Variants in PALS1 observed in about 807,000 individuals in gnomAD.
The protein encoded by PALS1 is protein associated with LIN7 1, MAGUK p55 family member.
In PALS1, 31 loss-of-function variants were observed where a neutral mutation model predicts 78.9. The observed-to-expected ratio is 0.39, with a 90% confidence interval of 0.30 to 0.53. The LOEUF (loss-of-function observed/expected upper bound fraction) is 0.53, where lower values mean the gene tolerates loss of function less well. Among genes scored for constraint, PALS1 ranks in the 20% least tolerant of loss-of-function variants. The pLI is 0.67. For synonymous variants in PALS1, 276 were observed against 270.9 expected, an observed-to-expected ratio of 1.02 and a Z score of -0.18; for missense variants, 704 against 826.5, an observed-to-expected ratio of 0.85 and a Z score of 1.82.
rs537939324 is a variant in PALS1 at position 67,315,912 on chromosome 14, G to A, written c.1226-920G>A. Reference sequence around the variant, plus strand: ...TGCACTCCAGCCTGGGTGACAGAGCGAGACTTCGTCTCAAAAGATAACCAG... The same window carrying A: ...TGCACTCCAGCCTGGGTGACAGAGCAAGACTTCGTCTCAAAAGATAACCAG... On this transcript the variant is annotated intron_variant, in intron 9 of 14. Transcript: ENST00000261681. Among the ~76,000 whole-genome samples, 14 of 152,368 alleles carry A rather than the reference G, an allele frequency of 9.2e-5. No homozygotes were observed. The East Asian group carries it at 1.3e-3, about 15-fold the overall frequency.
rs374725302 is a variant in PALS1 at position 67,279,268 on chromosome 14, G to A, written c.98G>A (p.Arg33Gln). The A allele has an allele frequency of 3.9e-5, 63 of 1,613,886 alleles. No homozygotes were observed. Among genetic ancestry groups the A allele is most frequent in the African/African-American group, 1.5e-4 (11 of 74,874 alleles). ...LASPEEHQKH[R>Q]EMAVDCPGDL... ...TCACCAGAGGAACATCAGAAGCACC[G>A]AGAGATGGCTGTTGACTGCCCTGGA... The change falls in exon 3 of 15, where the codon CGA becomes CAA. Residue 33 changes from arginine (R) to glutamine (Q), a missense_variant. Physicochemically the swap from Arg to Gln is conservative, Grantham distance 43. Transcript: ENST00000261681.
At chr14:67,299,895 G>C (rs1044618987) in intron 4 of PALS1, among the ~76,000 whole-genome samples, 1 of 152,164 alleles carries the variant, frequency 6.6e-6, no homozygotes, top group Non-Finnish European at 1.5e-5. Context: ...CCCATCCTCA[G>C]AGTTTCTTCA....
chr14:67,330,681 C>T (rs2085434614), intron 14 of PALS1, among the ~76,000 whole-genome samples: 1 of 152,178 alleles, frequency 6.6e-6, no homozygotes, highest in Non-Finnish European at 1.5e-5. Flanking sequence ...TGGTCCCAAA[C>T]TCCCGACCTC....
chr14:67,278,358 A>G (rs1199874212), intron 2 of PALS1, among the ~76,000 whole-genome samples: 1 of 148,076 alleles, frequency 6.8e-6, no homozygotes, highest in African/African-American at 2.5e-5. Context: ...TTTTTTTTTA[A>G]TGGGACCAGT....
At position 67,248,150 on chromosome 14, in the gene PALS1, A is replaced by G. The variant is rs141363275; in HGVS notation, c.-237+6617A>G. On this transcript the variant is annotated intron_variant, in intron 1 of 14. Transcript: ENST00000261681. ...TTTTCAAATGTTGAACCATATTTGC[A>G]TGTTTCTGGGACTAACTCTGGGGTT... Among the ~76,000 whole-genome samples the G allele has an allele frequency of 3.0e-4, 45 of 152,286 alleles. No individual in the cohort carries two copies. In the East Asian group the frequency reaches 4.2e-3, roughly 14 times the overall value.
At chr14:67,323,849 G>A (rs1449647640) in intron 14 of PALS1, 37 bp downstream of exon 14, 17 of 1,105,312 alleles carry the variant, frequency 1.5e-5, no homozygotes, top group Non-Finnish European at 2.1e-5. Flanking sequence ...TCCATTGAAG[G>A]TAAACATGAA....
chr14:67,326,213 T>A (rs1419065683), intron 14 of PALS1, among the ~76,000 whole-genome samples: 1 of 142,960 alleles, frequency 7.0e-6, no homozygotes, highest in Admixed American at 7.2e-5. Flanking sequence ...AATTTCAATT[T>A]AGGTCTGATT....
In PALS1 at chr14:67,334,354, G is replaced by C. The variant is rs1595628809; in HGVS notation, c.*1398G>C. 1 of 152,734 alleles carries C rather than the reference G, an allele frequency of 6.5e-6. No individual in the cohort carries two copies. Among genetic ancestry groups the C allele is most frequent in the South Asian group, 2.1e-4 (1 of 4,832 alleles). 9.5% of individuals were successfully genotyped at this position (152,734 alleles called of 1,614,324 possible). A position where few individuals can be genotyped will look rare whatever the true frequency, so the allele number is the denominator to read the frequency against. ...AGTCTTTTCAAGCCTTTAGGATAGT[G>C]TGATGTGTAACAAACAACCTCAAAT... is the stretch of plus-strand genomic sequence containing the variant. On this transcript the variant is annotated 3_prime_UTR_variant, in exon 15 of 15. Coordinates refer to ENST00000261681, the MANE Select transcript of PALS1 (RefSeq NM_022474.4).
intron 4 of PALS1, chr14:67,294,490 A>G (rs2084816077): frequency 6.6e-6 from 1 of 152,106 alleles, no homozygotes; most frequent in Non-Finnish European, 1.5e-5. Context: ...AAAAAAAAAA[A>G]CTCAAGAAAT....
chr14:67,284,284 C>T (rs748852629), intron 3 of PALS1, among the ~76,000 whole-genome samples: 4 of 151,558 alleles, frequency 2.6e-5, no homozygotes, highest in Non-Finnish European at 4.4e-5. Flanking sequence ...CTGTAGAATT[C>T]ATTAGTTTTT....
chr14:67,301,848 G>T, intron 5 of PALS1, 124 bp from the exon 6 acceptor site: 1 of 1,076,272 alleles, frequency 9.3e-7, no homozygotes. Flanking sequence ...TTTATTATTA[G>T]CTCTAATTAA....
At chr14:67,329,644 T>A (rs1428480526) in intron 14 of PALS1, among the ~76,000 whole-genome samples, 1 of 152,046 alleles carries the variant, frequency 6.6e-6, no homozygotes, top group Non-Finnish European at 1.5e-5. Context: ...TATTTTGAGA[T>A]ACGGCGGACG....
In PALS1 at chr14:67,334,944, T is replaced by G. The variant is rs1193930292; in HGVS notation, c.*1988T>G. On this transcript the variant is annotated 3_prime_UTR_variant, in exon 15 of 15. Transcript: ENST00000261681. ...ACTCCAAGAGCTAAACTATTGGCAG[T>G]TCATGTTAAGTTAGAGTGAGGGTGT... 1 of 152,190 alleles carries G rather than the reference T, an allele frequency of 6.6e-6. No homozygotes were observed. Among genetic ancestry groups the G allele is most frequent in the Non-Finnish European group, 1.5e-5 (1 of 68,038 alleles). 9.4% of individuals were successfully genotyped at this position (152,190 alleles called of 1,614,324 possible).
intron 2 of PALS1, chr14:67,271,493 T>G (rs1187489678): frequency 6.6e-6 from 1 of 152,228 alleles, no homozygotes. Context: ...GGCAGAGATA[T>G]AAATAGCAGT....
At position 67,335,953 on chromosome 14, in the gene PALS1, T is replaced by C. The variant is rs2085526029; in HGVS notation, c.*2997T>C. 6.6e-6 allele frequency: 1 copy of C among 151,952 alleles called. No individual in the cohort carries two copies. The highest frequency in any genetic ancestry group is 2.4e-5 in the African/African-American group (1 of 41,394). The allele number at this position is 151,952 out of a possible 1,614,324, so 9.4% of individuals were successfully genotyped here. A position where few individuals can be genotyped will look rare whatever the true frequency, so the allele number is the denominator to read the frequency against. ...CTACAACACAAAATACTTTTTGATTTGTTCTTTACAGAGGGATAGTGCCCC... is the reference window on the plus strand; with the variant it reads ...CTACAACACAAAATACTTTTTGATTCGTTCTTTACAGAGGGATAGTGCCCC... On this transcript the variant is annotated 3_prime_UTR_variant, in exon 15 of 15. Transcript: ENST00000261681.
chr14:67,328,188 A>G (rs2085389824), intron 14 of PALS1, among the ~76,000 whole-genome samples: 1 of 152,150 alleles, frequency 6.6e-6, no homozygotes, highest in Non-Finnish European at 1.5e-5. Context: ...CTGGTGTGAG[A>G]TGGTATCTCA....
chr14:67,251,724 C>A (rs917154601), intron 1 of PALS1, among the ~76,000 whole-genome samples: 3 of 152,004 alleles, frequency 2.0e-5, no homozygotes, highest in African/African-American at 4.8e-5. Flanking sequence ...CTTCTAAATC[C>A]CTTGGAATTT....
chr14:67,327,402 C>G (rs1347240372), intron 14 of PALS1, among the ~76,000 whole-genome samples: 1 of 151,568 alleles, frequency 6.6e-6, no homozygotes, highest in Non-Finnish European at 1.5e-5. Flanking sequence ...ACCTGTAATC[C>G]CAGCATTTTC....
intron 6 of PALS1, 65 bp downstream of exon 6, chr14:67,302,183 T>A (rs531155815): frequency 3.4e-6 from 5 of 1,485,378 alleles, no homozygotes; most frequent in South Asian, 2.9e-5. Context: ...TTCAAAAGTC[T>A]GGTTAATTTC....
Sources: gnomAD v4.1 joint callset for allele counts (sites outside exome capture counted in the v4.1 genomes callset) on GRCh38, gnomAD v4.1.1 for gene constraint, MANE v1.5 for transcripts, NCBI Gene and HGNC (gene_info 2026-07-23, HGNC 2026-07-21) for gene names.